SIL1: variants seen among roughly 807,000 people sequenced by gnomAD.
SIL1 encodes the protein nucleotide exchange factor SIL1.
A neutral mutation model predicts 49.1 loss-of-function variants in SIL1; 40 were observed. The observed-to-expected ratio is 0.81, with a 90% CI of 0.63 to 1.06. SIL1 has a LOEUF of 1.06. SIL1 is among the 50% of genes least tolerant of loss of function. SIL1 has a pLI of 0.00. For missense variants in SIL1, 500 were observed against 572.6 expected, an observed-to-expected ratio of 0.87 and a Z score of 1.29; for synonymous variants, 253 against 250.8, an observed-to-expected ratio of 1.01 and a Z score of -0.08.
chr5:139,017,563 G>A (rs542111584), intron 7 of SIL1, among the ~76,000 whole-genome samples: 1 of 152,216 alleles, frequency 6.6e-6, no homozygotes, highest in East Asian at 1.9e-4. Flanking sequence ...AAGGATACAG[G>A]ACTCCAAAGG....
intron 7 of SIL1, among the ~76,000 whole-genome samples, chr5:138,952,323 TG>T (rs1297529030): frequency 6.6e-6 from 1 of 152,248 alleles, no homozygotes; most frequent in Non-Finnish European, 1.5e-5. Context: ...TGTTCCCCTC[TG>T]GGTCTGGTGC....
chr5:139,119,828 C>T (rs369330072), intron 3 of SIL1, among the ~76,000 whole-genome samples: 37 of 152,336 alleles, frequency 2.4e-4, no homozygotes, highest in South Asian at 2.1e-3. Flanking sequence ...GTATCTTCCA[C>T]GCCCTACCCC....
chr5:139,097,799 AT>A (rs1393941989), intron 3 of SIL1, among the ~76,000 whole-genome samples: 1 of 152,192 alleles, frequency 6.6e-6, no homozygotes, highest in African/African-American at 2.4e-5. Flanking sequence ...GCATTTCTAT[AT>A]GCCAACAGTG....
At chr5:139,017,488 C>T (rs577260720) in intron 7 of SIL1, among the ~76,000 whole-genome samples, 10 of 152,216 alleles carry the variant, frequency 6.6e-5, no homozygotes, top group African/African-American at 2.4e-4. Flanking sequence ...AACATGAATG[C>T]TTATAAGCCC....
intron 5 of SIL1, chr5:139,035,055 C>T: frequency 5.2e-6 from 1 of 191,286 alleles, no homozygotes; most frequent in Non-Finnish European, 1.1e-5. Flanking sequence ...TTGTTGCCCA[C>T]ATGTATGTCT....
intron 1 of SIL1, among the ~76,000 whole-genome samples, chr5:139,169,086 T>C (rs1424902474): frequency 6.6e-6 from 1 of 152,148 alleles, no homozygotes; most frequent in Non-Finnish European, 1.5e-5. Context: ...TTGGATGGTA[T>C]AGTGCATTAT....
intron 1 of SIL1, among the ~76,000 whole-genome samples, chr5:139,156,825 T>A (rs112314419): frequency 0.015 from 2,231 of 152,354 alleles, 30 homozygotes; most frequent in Non-Finnish European, 0.024. Context: ...TTCAGACTTC[T>A]GGCCTCCAAA....
At chr5:139,156,458 G>C (rs982359512) in intron 1 of SIL1, among the ~76,000 whole-genome samples, 1 of 152,098 alleles carries the variant, frequency 6.6e-6, no homozygotes, top group Non-Finnish European at 1.5e-5. Flanking sequence ...TACTTGGAAG[G>C]CTGGGGCAGA....
At chr5:139,183,618 T>C (rs1446465035) in intron 1 of SIL1, among the ~76,000 whole-genome samples, 1 of 152,230 alleles carries the variant, frequency 6.6e-6, no homozygotes, top group Non-Finnish European at 1.5e-5. Context: ...GCACCTCCTG[T>C]ATGAGGGCTT....
intron 1 of SIL1, among the ~76,000 whole-genome samples, chr5:139,172,867 T>A (rs550629792): frequency 5.3e-5 from 8 of 152,128 alleles, no homozygotes; most frequent in Admixed American, 2.0e-4. Flanking sequence ...TTTTTCTCTA[T>A]CCTCTGTGAC....
intron 7 of SIL1, among the ~76,000 whole-genome samples, chr5:138,979,189 C>A (rs1235384602): frequency 6.6e-6 from 1 of 151,876 alleles, no homozygotes; most frequent in Non-Finnish European, 1.5e-5. Flanking sequence ...CTCAGCCTCT[C>A]AAGTAGCTGG....
intron 3 of SIL1, among the ~76,000 whole-genome samples, chr5:139,111,401 A>G (rs982415530): frequency 9.9e-5 from 15 of 152,206 alleles, no homozygotes; most frequent in African/African-American, 3.6e-4. Flanking sequence ...ATGGGATTAT[A>G]AATCTGTCAA....
intron 1 of SIL1, among the ~76,000 whole-genome samples, chr5:139,171,290 C>T (rs1211713733): frequency 2.6e-5 from 4 of 152,072 alleles, no homozygotes; most frequent in Non-Finnish European, 5.9e-5. Flanking sequence ...ATTGAGAAAT[C>T]GGATGGTTGC....
intron 1 of SIL1, among the ~76,000 whole-genome samples, chr5:139,135,953 G>T (rs1274278795): frequency 6.6e-6 from 1 of 152,090 alleles, no homozygotes; most frequent in Non-Finnish European, 1.5e-5. Flanking sequence ...TGTAATCCCA[G>T]CTACTCGGGA....
chr5:139,080,691 T>C (rs536694413), intron 3 of SIL1, among the ~76,000 whole-genome samples: 1 of 152,330 alleles, frequency 6.6e-6, no homozygotes, highest in East Asian at 1.9e-4. Flanking sequence ...ATGATAAAAA[T>C]GCTTTTAGAT....
intron 7 of SIL1, among the ~76,000 whole-genome samples, chr5:139,001,576 T>C (rs1767984568): frequency 6.6e-6 from 1 of 152,094 alleles, no homozygotes; most frequent in African/African-American, 2.4e-5. Context: ...GTAGGGGGGA[T>C]ACAATGAAGA....
chr5:139,081,819 C>A (rs1175032920), intron 3 of SIL1, among the ~76,000 whole-genome samples: 4 of 151,786 alleles, frequency 2.6e-5, no homozygotes, highest in Non-Finnish European at 4.4e-5. Context: ...GCAGAGGTTG[C>A]AGTGAGCTGA....
In SIL1 at chr5:139,026,831, C is replaced by T. The variant is rs201553685; in HGVS notation, c.615G>A (p.Ala205=). ...SSSSLEEKIA[A]LFDLEYYVHQ... ...GGACATAATATTCAAGATCAAAGAG[C>T]GCAGCAATCTTCTCTTCCAAACTGG... Residue 205 remains alanine (A), a synonymous_variant, in exon 6 of 10, where the codon GCG becomes GCA. Transcript: ENST00000394817. The T allele has an allele frequency of 1.1e-4, 172 of 1,614,010 alleles. 1 individual carries two copies. In the East Asian group the frequency reaches 2.9e-3, roughly 27 times the overall value.
chr5:139,162,999 T>G (rs1561885858), intron 1 of SIL1, among the ~76,000 whole-genome samples: 1 of 151,814 alleles, frequency 6.6e-6, no homozygotes, highest in Non-Finnish European at 1.5e-5. Flanking sequence ...AGAAAAATAT[T>G]CTAGGCAGAG....
Sources: allele counts gnomAD v4.1 joint callset (sites outside exome capture counted in the v4.1 genomes callset), GRCh38; gene constraint gnomAD v4.1.1; transcripts MANE v1.5; gene names NCBI Gene and HGNC (gene_info 2026-07-23, HGNC 2026-07-21).